PKIB: variants seen among roughly 807,000 people sequenced by gnomAD.
PKIB encodes the protein PKI-beta.
In PKIB, 2 loss-of-function variants were observed where a neutral mutation model predicts 4.5. The observed-to-expected ratio is 0.44, with a 90% CI of 0.18 to 1.39. The LOEUF (loss-of-function observed/expected upper bound fraction) is 1.39. Among genes scored for constraint, PKIB ranks in the 40% most tolerant of loss-of-function variants. The pLI is 0.27. For synonymous variants in PKIB, 38 were observed against 36.0 expected, an observed-to-expected ratio of 1.06 and a Z score of -0.20; for missense variants, 94 against 92.6, an observed-to-expected ratio of 1.02 and a Z score of -0.06.
intron 2 of PKIB, among the ~76,000 whole-genome samples, chr6:122,566,458 T>C (rs373542992): frequency 7.2e-5 from 11 of 152,294 alleles, no homozygotes; most frequent in African/African-American, 2.4e-4. Flanking sequence ...CATATGTAGA[T>C]AACAGATATT....
chr6:122,605,389 G>A (rs1774495218), upstream of PKIB, among the ~76,000 whole-genome samples: 1 of 152,168 alleles, frequency 6.6e-6, no homozygotes, highest in South Asian at 2.1e-4. Flanking sequence ...TTTGTCTCTG[G>A]CAGCTACTTG....
chr6:122,541,524 G>GTCTTGTA (rs1777601452), intron 2 of PKIB, among the ~76,000 whole-genome samples: 2 of 152,012 alleles, frequency 1.3e-5, no homozygotes, highest in African/African-American at 2.4e-5. Context: ...ACTCTCTTCT[G>GTCTTGTA]TCTTGTAGAG....
chr6:122,718,804 A>G (rs893969102), intron 4 of PKIB, among the ~76,000 whole-genome samples: 1 of 152,094 alleles, frequency 6.6e-6, no homozygotes, highest in Non-Finnish European at 1.5e-5. Context: ...CTACCTGGTA[A>G]AGTTGCAAAT....
chr6:122,673,381 A>G (rs1298773335), intron 2 of PKIB, among the ~76,000 whole-genome samples: 2 of 152,160 alleles, frequency 1.3e-5, no homozygotes, highest in Admixed American at 1.3e-4. Flanking sequence ...CATGTCTTTT[A>G]GGTGTGTATA....
intron 2 of PKIB, among the ~76,000 whole-genome samples, chr6:122,505,502 A>C (rs1032757704): frequency 6.6e-6 from 1 of 152,220 alleles, no homozygotes; most frequent in African/African-American, 2.4e-5. Context: ...AAAAGTAAAC[A>C]GCATAAATAG....
intron 2 of PKIB, among the ~76,000 whole-genome samples, chr6:122,528,550 C>T (rs961208022): frequency 1.1e-4 from 16 of 152,146 alleles, no homozygotes; most frequent in African/African-American, 3.9e-4. Context: ...TGTATCCTCA[C>T]ATGATAGAGA....
At position 122,583,650 on chromosome 6, in the gene PKIB, C is replaced by CT. The variant is rs143271891; in HGVS notation, c.-247-2267dup. On this transcript the variant is annotated intron_variant, in intron 2 of 6. Transcript: ENST00000392491. Reference sequence around the variant, plus strand: ...TTTTGTAATGTTAATTCTAGTCTGTCTTTTCAGTTATCTTCTTGGCACAAA... The same window carrying CT: ...TTTTGTAATGTTAATTCTAGTCTGTCTTTTTCAGTTATCTTCTTGGCACAAA... 2.0e-3 allele frequency among the ~76,000 whole-genome samples: 305 copies of CT among 152,188 alleles called. 6 individuals carry two copies. In the East Asian group the frequency reaches 0.041, roughly 20 times the overall value.
intron 4 of PKIB, among the ~76,000 whole-genome samples, chr6:122,724,907 A>G (rs1779896324): frequency 6.6e-6 from 1 of 152,122 alleles, no homozygotes; most frequent in African/African-American, 2.4e-5. Flanking sequence ...ATACCCTAGA[A>G]GACTGTCTGG....
chr6:122,711,670 T>C, intron 3 of PKIB, among the ~76,000 whole-genome samples: 1 of 152,194 alleles, frequency 6.6e-6, no homozygotes, highest in South Asian at 2.1e-4. Context: ...AGTCCATCTT[T>C]TTTATCATTA....
chr6:122,538,876 C>G (rs1356617788), intron 2 of PKIB, among the ~76,000 whole-genome samples: 3 of 151,998 alleles, frequency 2.0e-5, no homozygotes, highest in Non-Finnish European at 2.9e-5. Context: ...GTTTGTAGTT[C>G]TCCTTGAAGA....
At chr6:122,602,592 AAAAC>A in intron 3 of PKIB, among the ~76,000 whole-genome samples, 1 of 152,118 alleles carries the variant, frequency 6.6e-6, no homozygotes, top group African/African-American at 2.4e-5. Context: ...AAAAAGACAA[AAAAC>A]AAACTAACAA....
At chr6:122,569,336 T>G (rs1331997828) in intron 2 of PKIB, among the ~76,000 whole-genome samples, 1 of 152,196 alleles carries the variant, frequency 6.6e-6, no homozygotes, top group African/African-American at 2.4e-5. Flanking sequence ...TAAAGTGCCA[T>G]CTCTTGGCTG....
intron 3 of PKIB, among the ~76,000 whole-genome samples, chr6:122,711,154 C>A (rs999380177): frequency 6.6e-6 from 1 of 152,124 alleles, no homozygotes; most frequent in African/African-American, 2.4e-5. Flanking sequence ...CAAACACACA[C>A]ACCACACAGG....
chr6:122,552,584 G>C (rs1485028276), intron 2 of PKIB, among the ~76,000 whole-genome samples: 1 of 151,962 alleles, frequency 6.6e-6, no homozygotes, highest in Non-Finnish European at 1.5e-5. Context: ...TGCTATGTTT[G>C]CCAGGCTCGT....
intron 2 of PKIB, among the ~76,000 whole-genome samples, chr6:122,489,109 G>T (rs1775861647): frequency 6.6e-6 from 1 of 151,934 alleles, no homozygotes; most frequent in Non-Finnish European, 1.5e-5. Context: ...TAGTTTCCTT[G>T]GTCCTAAAGT....
intron 2 of PKIB, among the ~76,000 whole-genome samples, chr6:122,667,276 C>A (rs949911675): frequency 6.6e-6 from 1 of 152,100 alleles, no homozygotes; most frequent in Non-Finnish European, 1.5e-5. Context: ...TGTTGTAAGT[C>A]GGCCAGGCGC....
chr6:122,486,387 C>A (rs1775768342), intron 2 of PKIB, among the ~76,000 whole-genome samples: 1 of 151,968 alleles, frequency 6.6e-6, no homozygotes, highest in African/African-American at 2.4e-5. Flanking sequence ...GTTTTGGTTT[C>A]TTTTTTGAGG....
chr6:122,579,999 A>G (rs1376189506), intron 2 of PKIB, among the ~76,000 whole-genome samples: 1 of 152,156 alleles, frequency 6.6e-6, no homozygotes, highest in Admixed American at 6.5e-5. Flanking sequence ...GGTGCTTTCT[A>G]TTCAGTAAAA....
chr6:122,651,341 A>G (rs542032684), intron 2 of PKIB, among the ~76,000 whole-genome samples: 195 of 152,226 alleles, frequency 1.3e-3, no homozygotes, highest in African/African-American at 4.5e-3. Context: ...TACACTTTGT[A>G]CCTTAATCTT....
Sources: gnomAD v4.1 joint callset for allele counts (sites outside exome capture counted in the v4.1 genomes callset) on GRCh38, gnomAD v4.1.1 for gene constraint, MANE v1.5 for transcripts, NCBI Gene and HGNC (gene_info 2026-07-23, HGNC 2026-07-21) for gene names.